The following POLA1 variants were observed in gnomAD, a reference collection of about 807,000 sequenced individuals.
POLA1 encodes the protein DNA polymerase alpha 1, catalytic subunit.
A neutral mutation model predicts 124.0 loss-of-function variants in POLA1; 15 were observed. That is an observed-to-expected ratio of 0.12 (90% confidence interval 0.08 to 0.19). The LOEUF (loss-of-function observed/expected upper bound fraction) is 0.19, where lower values mean the gene tolerates loss of function less well. Ranked by LOEUF, POLA1 falls within the 10% of genes least tolerant of loss-of-function variation. POLA1 has a pLI of 1.00. For synonymous variants in POLA1, 408 were observed against 389.4 expected (o/e 1.05, Z -0.56); for missense variants, 886 against 1,103.4 (o/e 0.80, Z 2.79).
At chrX:24,982,242 A>G (rs188765638) in intron 36 of POLA1, among the ~76,000 whole-genome samples, 4 of 110,535 alleles carry the variant, frequency 3.6e-5, no homozygotes, top group African/African-American at 1.3e-4. Flanking sequence ...TGCTGCCACA[A>G]AAAAAAAGAA....
chrX:24,788,746 A>C (rs376089397), intron 26 of POLA1: 32 of 1,201,034 alleles, frequency 2.7e-5, no homozygotes, highest in Non-Finnish European at 3.4e-5. Context: ...TTTCCTCCTC[A>C]TCATCAGATC....
chrX:24,878,365 CTT>C (rs923192542), intron 34 of POLA1, among the ~76,000 whole-genome samples: 7 of 111,436 alleles, frequency 6.3e-5, no homozygotes, highest in Admixed American at 1.9e-4. Flanking sequence ...TTTAGCTAGA[CTT>C]GAGCAAAGAA....
intron 36 of POLA1, among the ~76,000 whole-genome samples, chrX:24,947,981 C>T (rs890663688): frequency 6.2e-5 from 7 of 112,298 alleles, no homozygotes; most frequent in African/African-American, 2.3e-4. Flanking sequence ...CGCTGACTCA[C>T]TTTGTGGCAT....
intron 36 of POLA1, among the ~76,000 whole-genome samples, chrX:24,986,913 C>A (rs2048486756): frequency 9.0e-6 from 1 of 111,288 alleles, no homozygotes; most frequent in African/African-American, 3.3e-5. Flanking sequence ...AGAGCGTTGG[C>A]CCTCTCTGAT....
intron 15 of POLA1, among the ~76,000 whole-genome samples, chrX:24,731,106 A>T (rs758552028): frequency 8.9e-6 from 1 of 112,037 alleles, no homozygotes; most frequent in Non-Finnish European, 1.9e-5. Context: ...GTGCCTTTGG[A>T]TAGAAGTAAT....
chrX:24,861,840 C>A (rs1402032419), intron 34 of POLA1, among the ~76,000 whole-genome samples: 3 of 112,130 alleles, frequency 2.7e-5, no homozygotes, highest in African/African-American at 9.7e-5. Flanking sequence ...CTAAGCAATT[C>A]TTTTTCAGTT....
At position 24,807,601 on chromosome X, in the gene POLA1, C is replaced by A. The variant is rs764677967; in HGVS notation, c.2965-2297C>A. Among the ~76,000 whole-genome samples the A allele has an allele frequency of 2.7e-5, 3 of 112,199 alleles. No homozygotes were observed. In the South Asian group the frequency reaches 1.1e-3, roughly 42 times the overall value. Reference sequence around the variant, plus strand: ...ACTACAGGACCTATCAGTCACCTGGCAAACAGTTTTTTGAGTTCCTATTAC... The same window carrying A: ...ACTACAGGACCTATCAGTCACCTGGAAAACAGTTTTTTGAGTTCCTATTAC... On this transcript the variant is annotated intron_variant, in intron 26 of 36. Coordinates refer to ENST00000379068, the MANE Select transcript of POLA1 (RefSeq NM_001330360.2).
At chrX:24,706,740 C>G (rs1418035287) in intron 4 of POLA1, among the ~76,000 whole-genome samples, 2 of 111,587 alleles carry the variant, frequency 1.8e-5, no homozygotes, top group Non-Finnish European at 3.8e-5. Flanking sequence ...GTTATATATC[C>G]TAAGGGTCTA....
At chrX:24,949,329 A>G (rs2048004454) in intron 36 of POLA1, among the ~76,000 whole-genome samples, 2 of 111,661 alleles carry the variant, frequency 1.8e-5, no homozygotes, top group African/African-American at 3.3e-5. Flanking sequence ...AATAAAATCA[A>G]TATGTGGCTA....
Position 24,809,883 on chromosome X carries a change from T to G in POLA1, c.2965-15T>G. On this transcript the variant is annotated splice_polypyrimidine_tract_variant and intron_variant, in intron 26 of 36. Coordinates refer to ENST00000379068, the MANE Select transcript of POLA1 (RefSeq NM_001330360.2). ...AATTGTGTAACTTATTAATCTTGAC[T>G]TTTGTTTCATTTAGATTTTGATGCA... 1 of 1,026,761 alleles carries G rather than the reference T, an allele frequency of 9.7e-7. No individual in the cohort carries two copies. Among genetic ancestry groups the G allele is most frequent in the Non-Finnish European group, 1.3e-6 (1 of 741,797 alleles). 84.6% of individuals were successfully genotyped at this position (1,026,761 alleles called of 1,213,427 possible). A position where few individuals can be genotyped will look rare whatever the true frequency, so the allele number is the denominator to read the frequency against.
intron 35 of POLA1, among the ~76,000 whole-genome samples, chrX:24,912,759 G>T: frequency 9.0e-6 from 1 of 111,370 alleles, no homozygotes; most frequent in East Asian, 2.8e-4. Context: ...GACAGAGTAA[G>T]ACCCTGCCTC....
At chrX:24,956,360 A>G (rs1371451243) in intron 36 of POLA1, among the ~76,000 whole-genome samples, 1 of 108,638 alleles carries the variant, frequency 9.2e-6, no homozygotes, top group East Asian at 2.8e-4. Flanking sequence ...ATATATTTAT[A>G]TATATAAAAC....
At chrX:24,916,757 G>A (rs1330393631) in intron 35 of POLA1, among the ~76,000 whole-genome samples, 1 of 112,418 alleles carries the variant, frequency 8.9e-6, no homozygotes, top group Non-Finnish European at 1.9e-5. Flanking sequence ...AAAAGTTACA[G>A]GAATTGAGTG....
intron 36 of POLA1, among the ~76,000 whole-genome samples, chrX:24,949,604 TAA>T (rs762001201): frequency 1.0e-4 from 8 of 76,402 alleles, no homozygotes; most frequent in Non-Finnish European, 1.8e-4. Flanking sequence ...GTTTAAACAG[TAA>T]AAAAAAAAAA....
chrX:24,925,179 C>T (rs1201869225), intron 35 of POLA1, among the ~76,000 whole-genome samples: 3 of 112,158 alleles, frequency 2.7e-5, no homozygotes, highest in African/African-American at 9.7e-5. Flanking sequence ...TATGCTTCTA[C>T]TAGAACGTGG....
At chrX:24,932,963 A>G (rs911388438) in intron 36 of POLA1, among the ~76,000 whole-genome samples, 27 of 111,839 alleles carry the variant, frequency 2.4e-4, no homozygotes, top group African/African-American at 8.4e-4. Context: ...GAGGTTTCCT[A>G]ACACATGACA....
At chrX:24,940,861 C>T (rs1158804170) in intron 36 of POLA1, among the ~76,000 whole-genome samples, 2 of 111,756 alleles carry the variant, frequency 1.8e-5, no homozygotes, top group Admixed American at 9.5e-5. Context: ...AGTCAGTGAA[C>T]GGTGTGAAAA....
At chrX:24,856,322 C>T (rs2046645013) in intron 34 of POLA1, among the ~76,000 whole-genome samples, 1 of 112,146 alleles carries the variant, frequency 8.9e-6, no homozygotes, top group Non-Finnish European at 1.9e-5. Flanking sequence ...TCTTCTTTCC[C>T]TTGGTTCATT....
At chrX:24,925,740 C>CGTTTGTTT (rs550764725) in intron 35 of POLA1, among the ~76,000 whole-genome samples, 8 of 111,149 alleles carry the variant, frequency 7.2e-5, no homozygotes, top group African/African-American at 1.3e-4. Flanking sequence ...AGCATCATTC[C>CGTTTGTTT]GTTTGTTTGT....
Sources: allele counts gnomAD v4.1 joint callset (sites outside exome capture counted in the v4.1 genomes callset), GRCh38; gene constraint gnomAD v4.1.1; transcripts MANE v1.5; gene names NCBI Gene and HGNC (gene_info 2026-07-23, HGNC 2026-07-21).